DLGAP3: variants seen among roughly 807,000 people sequenced by gnomAD.
DLGAP3 encodes disks large-associated protein 3.
In DLGAP3, 17 loss-of-function variants were observed where a neutral mutation model predicts 81.2. That is an observed-to-expected ratio of 0.21 (90% CI 0.14 to 0.31). The LOEUF (loss-of-function observed/expected upper bound fraction) is 0.31. Ranked by LOEUF, DLGAP3 falls within the 10% of genes least tolerant of loss-of-function variation. The pLI, the probability that DLGAP3 is intolerant of heterozygous loss-of-function variation, is 1.00. For missense variants in DLGAP3, 1,124 were observed against 1,388.0 expected (o/e 0.81, Z 3.02); for synonymous variants, 577 against 587.4 (o/e 0.98, Z 0.26).
In DLGAP3 at chr1:34,907,710, C is replaced by CT. The variant is rs201602481; in HGVS notation, c.-134-274dup. ...GTGCTGAGCCACTGCGTTGTTTTTT[C>CT]TTTTTTTTTCCATTGCCCTCAAATA... On this transcript the variant is annotated intron_variant, in intron 1 of 11. Transcript: ENST00000373347. 3.8e-4 allele frequency among the ~76,000 whole-genome samples: 57 copies of CT among 151,628 alleles called. 1 individual carries two copies. The East Asian group carries it at 9.1e-3, about 24-fold the overall frequency.
chr1:34,889,507 T>C (rs1467562867), intron 5 of DLGAP3, among the ~76,000 whole-genome samples: 1 of 152,226 alleles, frequency 6.6e-6, no homozygotes, highest in East Asian at 1.9e-4. Context: ...CAAAGAATCC[T>C]CTTGGGATGA....
chr1:34,890,224 T>C (rs1639291944), intron 5 of DLGAP3, among the ~76,000 whole-genome samples: 1 of 152,152 alleles, frequency 6.6e-6, no homozygotes, highest in Non-Finnish European at 1.5e-5. Flanking sequence ...AATTAAAAAT[T>C]AGCATAAAAT....
Position 34,865,710 on chromosome 1 carries a change from C to T in DLGAP3, c.*373G>A, listed in dbSNP as rs901587517. 8 of 328,054 alleles carry T rather than the reference C, an allele frequency of 2.4e-5. No individual in the cohort carries two copies. Among genetic ancestry groups the T allele is most frequent in the Non-Finnish European group, 4.0e-5 (7 of 173,538 alleles). 20.3% of individuals were successfully genotyped at this position (328,054 alleles called of 1,614,324 possible). A position where few individuals can be genotyped will look rare whatever the true frequency, so the allele number is the denominator to read the frequency against. ...GAAGCTTGATCCCCACGAAGCCCAGCCCCGCGGGGTGGGGGAGGGGGGGAC... is the reference window on the plus strand; with the variant it reads ...GAAGCTTGATCCCCACGAAGCCCAGTCCCGCGGGGTGGGGGAGGGGGGGAC... On this transcript the variant is annotated 3_prime_UTR_variant, in exon 12 of 12. Coordinates refer to ENST00000373347, the MANE Select transcript of DLGAP3 (RefSeq NM_001080418.3).
chr1:34,902,616 C>T lies in DLGAP3; in HGVS notation c.1107+1661G>A, dbSNP rs899177021. On this transcript the variant is annotated intron_variant, in intron 3 of 11. Coordinates refer to ENST00000373347, the MANE Select transcript of DLGAP3 (RefSeq NM_001080418.3). The surrounding 1 kb of genome is among the most constrained non-coding windows in gnomAD (Gnocchi z 4.4). ...CTTCCCCACATGGGCTCAGACTTCC[C>T]AGTCCTCAGATGCCCTGGAACTCCA... Among the ~76,000 whole-genome samples the T allele has an allele frequency of 1.3e-5, 2 of 152,082 alleles. No homozygotes were observed. The highest frequency in any genetic ancestry group is 4.8e-5 in the African/African-American group (2 of 41,392).
At chr1:34,874,309 T>G (rs1639019463) in intron 8 of DLGAP3, among the ~76,000 whole-genome samples, 1 of 152,242 alleles carries the variant, frequency 6.6e-6, no homozygotes, top group Admixed American at 6.5e-5. Context: ...TCTATCATAT[T>G]TAAATCACTG....
chr1:34,878,203 TAGCTG>T (rs1639087424), intron 8 of DLGAP3, among the ~76,000 whole-genome samples: 1 of 151,824 alleles, frequency 6.6e-6, no homozygotes, highest in South Asian at 2.1e-4. Context: ...GCTACCCAGG[TAGCTG>T]AGGCAGAAGA....
chr1:34,911,635 T>C lies in DLGAP3; in HGVS notation c.-134-4198A>G, dbSNP rs1042980657. ...GATGCAGCTCGAATCTATCTGGGAA[T>C]GGAAGAAGTGGCACAGATGCCGTCA... On this transcript the variant is annotated intron_variant, in intron 1 of 11. Transcript: ENST00000373347. Among the ~76,000 whole-genome samples, 27 of 152,166 alleles carry C rather than the reference T, an allele frequency of 1.8e-4. 1 individual carries two copies. The highest frequency in any genetic ancestry group is 1.2e-3 in the East Asian group (6 of 5,200).
At chr1:34,922,787 CT>C (rs958650983) in intron 1 of DLGAP3, among the ~76,000 whole-genome samples, 1 of 152,198 alleles carries the variant, frequency 6.6e-6, no homozygotes, top group African/African-American at 2.4e-5. Flanking sequence ...AGCCCCTCCC[CT>C]GGCTTCTATC....
chr1:34,918,188 T>C (rs562935841), intron 1 of DLGAP3, among the ~76,000 whole-genome samples: 1 of 152,166 alleles, frequency 6.6e-6, no homozygotes, highest in East Asian at 1.9e-4. Flanking sequence ...CCTTTCCATG[T>C]GGAAATGAAG....
intron 8 of DLGAP3, 103 bp from the exon 9 acceptor site, chr1:34,869,192 A>T (rs1171870016): frequency 1.2e-6 from 1 of 813,024 alleles, no homozygotes; most frequent in Non-Finnish European, 1.9e-6. Context: ...GGGAACCTAC[A>T]AAGTGATGGA....
At chr1:34,915,500 G>A (rs149654648) in intron 1 of DLGAP3, among the ~76,000 whole-genome samples, 71 of 152,300 alleles carry the variant, frequency 4.7e-4, no homozygotes, top group African/African-American at 1.7e-3. Context: ...CAGGCATCTG[G>A]TCCCCTCTTG....
Position 34,865,482 on chromosome 1 carries a change from G to A in DLGAP3, c.*601C>T, listed in dbSNP as rs961332383. ...TTCCTGGGATATTCAAGGGGATGTG[G>A]GAACAGCCACAGGTGTGGTGAGGGG... On this transcript the variant is annotated 3_prime_UTR_variant, in exon 12 of 12. Transcript: ENST00000373347. The A allele has an allele frequency of 1.9e-5, 3 of 159,158 alleles. No individual in the cohort carries two copies. The highest frequency in any genetic ancestry group is 7.2e-5 in the African/African-American group (3 of 41,582). 9.9% of individuals were successfully genotyped at this position (159,158 alleles called of 1,614,324 possible).
intron 5 of DLGAP3, among the ~76,000 whole-genome samples, chr1:34,890,002 A>T (rs554720543): frequency 3.3e-5 from 5 of 152,180 alleles, no homozygotes; most frequent in Non-Finnish European, 7.3e-5. Context: ...ACCTGCATAA[A>T]GTTAGGAAAA....
chr1:34,867,532 T>C lies in DLGAP3; in HGVS notation c.2577+4A>G. The C allele has an allele frequency of 6.2e-7, 1 of 1,612,612 alleles. No individual in the cohort carries two copies. The highest frequency in any genetic ancestry group is 8.5e-7 in the Non-Finnish European group (1 of 1,178,612). ...TGGTAGGATCTACTACTATGGGCAC[T>C]CACCATGCTTTGCTGACACAGCCGG... On this transcript the variant is annotated splice_donor_region_variant and intron_variant, in intron 10 of 11. Transcript: ENST00000373347. The surrounding 1 kb of genome is among the most constrained non-coding windows in gnomAD (Gnocchi z 4.3).
At position 34,904,592 on chromosome 1, in the gene DLGAP3, A is replaced by T; in HGVS notation, c.792T>A (p.Asp264Glu). The change falls in exon 3 of 12, where the codon GAT becomes GAA. Residue 264 changes from aspartate (D) to glutamate (E), a missense_variant. Asp to Glu is a conservative substitution (Grantham distance 45). Coordinates refer to ENST00000373347, the MANE Select transcript of DLGAP3 (RefSeq NM_001080418.3). This position sits in a 1 kb window ranked among gnomAD's most constrained non-coding sequence, Gnocchi z 8.1. ...AGCCGCTATCACTGTCCAAGTTGTC[A>T]TCGGAACTCCACCAGCCTGTGGACT... Reference protein sequence around the residue: ...QAKSTGWWSSDDNLDSDSGFL... With the variant: ...QAKSTGWWSSEDNLDSDSGFL... 6.2e-7 allele frequency: 1 copy of T among 1,614,176 alleles called. No individual in the cohort carries two copies. Among genetic ancestry groups the T allele is most frequent in the Non-Finnish European group, 8.5e-7 (1 of 1,180,006 alleles).
chr1:34,917,346 C>CTTT (rs548309308), intron 1 of DLGAP3, among the ~76,000 whole-genome samples: 2 of 133,314 alleles, frequency 1.5e-5, no homozygotes, highest in African/African-American at 2.8e-5. Flanking sequence ...ATCCTTTTTC[C>CTTT]TTTTTTTTTT....
Position 34,904,333 on chromosome 1 carries a change from T to C in DLGAP3, c.1051A>G (p.Lys351Glu). Residue 351 changes from lysine (K) to glutamate (E), a missense_variant, in exon 3 of 12, where the codon AAG (lysine) becomes GAG (glutamate). Physicochemically the swap from Lys to Glu is moderately conservative, Grantham distance 56. This residue lies in a region of DLGAP3 where 357 missense variants were observed against 408.8 expected (regional missense o/e 0.87). Transcript: ENST00000373347. This position sits in a 1 kb window ranked among gnomAD's most constrained non-coding sequence, Gnocchi z 8.1. ...RDGYPGAGPG[K>E]GLLGPETKAK... ...TTGGTCTCCGGACCCAGGAGCCCCT[T>C]GCCTGGCCCGGCCCCCGGGTATCCA... is the stretch of plus-strand genomic sequence containing the variant. 2 of 1,611,372 alleles carry C rather than the reference T, an allele frequency of 1.2e-6. No homozygotes were observed. Among genetic ancestry groups the C allele is most frequent in the Non-Finnish European group, 1.7e-6 (2 of 1,180,024 alleles).
intron 8 of DLGAP3, among the ~76,000 whole-genome samples, chr1:34,872,230 A>C (rs1185452528): frequency 6.6e-6 from 1 of 152,206 alleles, no homozygotes; most frequent in African/African-American, 2.4e-5. Flanking sequence ...TGGGCAGCTA[A>C]CATGGAAAAC....
At position 34,900,421 on chromosome 1, in the gene DLGAP3, C is replaced by G; in HGVS notation, c.1108-148G>C. 2.5e-6 allele frequency: 2 copies of G among 812,802 alleles called. No individual in the cohort carries two copies. The highest frequency in any genetic ancestry group is 4.1e-6 in the Non-Finnish European group (2 of 489,198). The allele number at this position is 812,802 out of a possible 1,614,324, so 50.3% of individuals were successfully genotyped here. On this transcript the variant is annotated intron_variant, in intron 3 of 11. Transcript: ENST00000373347. This position sits in a 1 kb window ranked among gnomAD's most constrained non-coding sequence, Gnocchi z 5.6. ...GCAGAGGCAGAAGGGGAGGTAGGGTCTCAGGCTGTCCCCGTCCCTTACAAG... is the reference window on the plus strand; with the variant it reads ...GCAGAGGCAGAAGGGGAGGTAGGGTGTCAGGCTGTCCCCGTCCCTTACAAG...
Sources: gnomAD v4.1 joint callset for allele counts (sites outside exome capture counted in the v4.1 genomes callset) on GRCh38, gnomAD v4.1.1 for gene constraint, gnomAD v4.1.1 regional missense constraint, Gnocchi (gnomAD v3.1) non-coding constraint, MANE v1.5 for transcripts, NCBI Gene and HGNC (gene_info 2026-07-23, HGNC 2026-07-21) for gene names.